The following PAX7 variants were observed in gnomAD, a reference collection of about 807,000 sequenced individuals.
The protein encoded by PAX7 is paired box protein Pax-7.
Under a neutral mutation model 50.7 loss-of-function variants are expected in PAX7, and 18 were observed. The observed-to-expected ratio is 0.36, with a 90% CI of 0.25 to 0.53. The LOEUF is 0.53. Ranked by LOEUF, PAX7 falls within the 20% of genes least tolerant of loss-of-function variation. The pLI is 0.93. For missense variants in PAX7, 644 were observed against 702.9 expected, an observed-to-expected ratio of 0.92 and a Z score of 0.95; for synonymous variants, 310 against 290.4, an observed-to-expected ratio of 1.07 and a Z score of -0.69.
chr1:18,734,689 T>A (rs1427430948), intron 7 of PAX7, among the ~76,000 whole-genome samples: 1 of 152,304 alleles, frequency 6.6e-6, no homozygotes, highest in Non-Finnish European at 1.5e-5. Context: ...CACTACTCCA[T>A]GTCTCTATGA....
chr1:18,727,371 TACACACACACACACAC>T (rs56258552), intron 7 of PAX7, among the ~76,000 whole-genome samples: 95 of 134,078 alleles, frequency 7.1e-4, no homozygotes, highest in Admixed American at 5.3e-3. Context: ...CTCTCTCTCA[TACACACACACACACAC>T]ACACACACAC....
intron 7 of PAX7, among the ~76,000 whole-genome samples, chr1:18,722,025 T>A (rs2089501362): frequency 6.6e-6 from 1 of 152,254 alleles, no homozygotes; most frequent in African/African-American, 2.4e-5. Flanking sequence ...TTTGCTCATC[T>A]ATCAAATGTG....
rs1309335652 is a variant in PAX7 at position 18,636,498 on chromosome 1, C to T, written c.586+127C>T. The T allele has an allele frequency of 2.4e-6, 3 of 1,232,002 alleles. No homozygotes were observed. The highest frequency in any genetic ancestry group is 3.4e-6 in the Non-Finnish European group (3 of 883,096). The allele number at this position is 1,232,002 out of a possible 1,614,324, so 76.3% of individuals were successfully genotyped here. A position where few individuals can be genotyped will look rare whatever the true frequency, so the allele number is the denominator to read the frequency against. On this transcript the variant is annotated intron_variant, in intron 4 of 8. Coordinates refer to ENST00000420770, the MANE Select transcript of PAX7 (RefSeq NM_001135254.2). This position sits in a 1 kb window ranked among gnomAD's most constrained non-coding sequence, Gnocchi z 5.1. ...CTCCAGCGGAGAAACTCTCATGCTGCGGGGCAGCTGGGAGCCGCTCAGGCT... is the reference window on the plus strand; with the variant it reads ...CTCCAGCGGAGAAACTCTCATGCTGTGGGGCAGCTGGGAGCCGCTCAGGCT...
chr1:18,658,885 G>T lies in PAX7; in HGVS notation c.586+22514G>T, dbSNP rs1036352806. 3.9e-5 allele frequency among the ~76,000 whole-genome samples: 6 copies of T among 152,280 alleles called. No individual in the cohort carries two copies. The East Asian group carries it at 1.2e-3, about 29-fold the overall frequency. On this transcript the variant is annotated intron_variant, in intron 4 of 8. Transcript: ENST00000420770. The stretch of plus-strand genomic sequence containing the variant: ...GGAACCCTTGCTCAAACAAGCCAGG[G>T]TTATGCAAAACTCCAAAATTTCCTT...
At chr1:18,682,801 G>A (rs555502240) in intron 4 of PAX7, among the ~76,000 whole-genome samples, 2 of 152,304 alleles carry the variant, frequency 1.3e-5, no homozygotes, top group Admixed American at 6.5e-5. Context: ...AGGTGCTGCC[G>A]GGCTGTGGGG....
intron 4 of PAX7, among the ~76,000 whole-genome samples, chr1:18,680,330 G>A (rs1009926125): frequency 2.6e-5 from 4 of 152,156 alleles, no homozygotes; most frequent in African/African-American, 9.7e-5. Flanking sequence ...TCATGGATGA[G>A]CCCAGAGTGC....
intron 1 of PAX7, among the ~76,000 whole-genome samples, chr1:18,633,803 C>A (rs933044859): frequency 6.6e-6 from 1 of 152,224 alleles, no homozygotes; most frequent in African/African-American, 2.4e-5. Flanking sequence ...TCATTCATGA[C>A]TACCAGGAGC....
At chr1:18,707,010 C>T (rs1005350441) in intron 7 of PAX7, among the ~76,000 whole-genome samples, 3 of 152,208 alleles carry the variant, frequency 2.0e-5, no homozygotes, top group African/African-American at 7.2e-5. Context: ...CATGCAGAAT[C>T]TCAAGGAAAA....
At chr1:18,733,516 C>G (rs1382439897) in intron 7 of PAX7, among the ~76,000 whole-genome samples, 1 of 152,160 alleles carries the variant, frequency 6.6e-6, no homozygotes, top group Non-Finnish European at 1.5e-5. Context: ...GAGATGAAGA[C>G]TAGCCAGTTG....
intron 4 of PAX7, among the ~76,000 whole-genome samples, chr1:18,665,248 C>G (rs1286763391): frequency 6.6e-6 from 1 of 152,218 alleles, no homozygotes; most frequent in Non-Finnish European, 1.5e-5. Context: ...CTTAACAACA[C>G]ACCTATGGCA....
chr1:18,712,699 A>G (rs917151676), intron 7 of PAX7, among the ~76,000 whole-genome samples: 1 of 152,160 alleles, frequency 6.6e-6, no homozygotes, highest in Non-Finnish European at 1.5e-5. Flanking sequence ...CTCCTTTCTT[A>G]GAGAACTGGG....
chr1:18,744,997 C>G lies in PAX7; in HGVS notation c.*68C>G, dbSNP rs568878669. On this transcript the variant is annotated 3_prime_UTR_variant, in exon 9 of 9. Coordinates refer to ENST00000420770, the MANE Select transcript of PAX7 (RefSeq NM_001135254.2). ...CCTAACTGACCCCTGAGCTTCCCAG[C>G]CTTGCCGCCTCACCCCCCTGTTGTC... is the stretch of plus-strand genomic sequence containing the variant. The G allele has an allele frequency of 1.7e-3, 1,554 of 895,604 alleles. 2 individuals carry two copies. The highest frequency in any genetic ancestry group is 2.5e-3 in the Non-Finnish European group (1,386 of 562,018). 55.5% of individuals were successfully genotyped at this position (895,604 alleles called of 1,614,324 possible). A position where few individuals can be genotyped will look rare whatever the true frequency, so the allele number is the denominator to read the frequency against.
chr1:18,701,323 C>T (rs1273864084), intron 6 of PAX7, among the ~76,000 whole-genome samples: 5 of 151,558 alleles, frequency 3.3e-5, no homozygotes, highest in East Asian at 1.9e-4. Context: ...CGTGTGAGTG[C>T]GTGCATGAGT....
intron 3 of PAX7, 37 bp downstream of exon 3, chr1:18,635,277 G>GTGT: frequency 6.2e-7 from 1 of 1,610,690 alleles, no homozygotes; most frequent in South Asian, 1.1e-5. Flanking sequence ...CTGGCCCAGA[G>GTGT]TGTGGCCAGG....
intron 8 of PAX7, among the ~76,000 whole-genome samples, chr1:18,737,038 G>C (rs912177323): frequency 6.6e-6 from 1 of 152,250 alleles, no homozygotes; most frequent in Non-Finnish European, 1.5e-5. Flanking sequence ...TATCCCCTTT[G>C]TGCCTTGCCT....
intron 7 of PAX7, among the ~76,000 whole-genome samples, chr1:18,709,593 T>A (rs560031179): frequency 6.6e-6 from 1 of 152,354 alleles, no homozygotes; most frequent in Non-Finnish European, 1.5e-5. Context: ...GCCTGAATGC[T>A]GACCCCACTT....
At chr1:18,677,448 T>C (rs1273106465) in intron 4 of PAX7, among the ~76,000 whole-genome samples, 1 of 152,234 alleles carries the variant, frequency 6.6e-6, no homozygotes, top group Non-Finnish European at 1.5e-5. Flanking sequence ...GCAATGAACA[T>C]TCACTGCTGT....
intron 4 of PAX7, among the ~76,000 whole-genome samples, chr1:18,671,927 T>C (rs1015603528): frequency 2.6e-5 from 4 of 151,868 alleles, no homozygotes; most frequent in Non-Finnish European, 5.9e-5. Context: ...CACTGAGCTA[T>C]AATTGCATCA....
At chr1:18,692,914 G>C (rs1251910013) in intron 5 of PAX7, among the ~76,000 whole-genome samples, 6 of 152,296 alleles carry the variant, frequency 3.9e-5, no homozygotes, top group East Asian at 1.9e-4. Context: ...GCAAAGGCCT[G>C]CTGTAGGGGG....
Sources: allele counts gnomAD v4.1 joint callset (sites outside exome capture counted in the v4.1 genomes callset), GRCh38; gene constraint gnomAD v4.1.1; non-coding constraint Gnocchi (gnomAD v3.1); transcripts MANE v1.5; gene names NCBI Gene and HGNC (gene_info 2026-07-23, HGNC 2026-07-21).